SLC35D1: variants seen among roughly 807,000 people sequenced by gnomAD.
The protein encoded by SLC35D1 is nucleotide sugar transporter SLC35D1.
SLC35D1 carries 31 observed loss-of-function variants against 46.7 expected under a neutral mutation model. That is an observed-to-expected ratio of 0.66 (90% CI 0.50 to 0.90). SLC35D1 has a LOEUF of 0.90. SLC35D1 is among the 40% of genes least tolerant of loss of function. The pLI is 0.00. For missense variants in SLC35D1, 397 were observed against 426.2 expected, an observed-to-expected ratio of 0.93 and a Z score of 0.60; for synonymous variants, 195 against 164.6, an observed-to-expected ratio of 1.18 and a Z score of -1.41.
At chr1:66,991,405 G>C in the SLC35D1 span, among the ~76,000 whole-genome samples, 1 of 152,212 alleles carries the variant, frequency 6.6e-6, no homozygotes, top group Non-Finnish European at 1.5e-5. Context: ...GGGTTCCACA[G>C]AGAGTCACAG....
At chr1:67,031,635 T>C (rs758873329) in intron 8 of SLC35D1, among the ~76,000 whole-genome samples, 8 of 152,134 alleles carry the variant, frequency 5.3e-5, no homozygotes, top group Non-Finnish European at 7.3e-5. Flanking sequence ...GTGAGTCAAA[T>C]AGCAGGAGTT....
chr1:67,017,915 TC>T (rs1044865910), intron 10 of SLC35D1, among the ~76,000 whole-genome samples: 3 of 152,190 alleles, frequency 2.0e-5, no homozygotes, highest in African/African-American at 7.2e-5. Flanking sequence ...TTTGTCTATC[TC>T]TGATGACCTC....
At position 67,009,114 on chromosome 1, in the gene SLC35D1, C is replaced by T. The variant is rs1314283727; in HGVS notation, c.930G>A (p.Thr310=). The T allele has an allele frequency of 1.7e-5, 25 of 1,513,488 alleles. No individual in the cohort carries two copies. Among genetic ancestry groups the T allele is most frequent in the South Asian group, 3.4e-5 (3 of 87,706 alleles). 93.8% of individuals were successfully genotyped at this position (1,513,488 alleles called of 1,614,324 possible). A position where few individuals can be genotyped will look rare whatever the true frequency, so the allele number is the denominator to read the frequency against. ...GMVFGGDYIF[T]WTNFIGLNIS... ...TATTTAAACCAATGAAGTTTGTCCA[C>T]GTGAAAATATAATCTCCACCAAAGA... Residue 310 remains threonine (T), a synonymous_variant, in exon 11 of 12, where the codon ACG becomes ACA. Coordinates refer to ENST00000235345, the MANE Select transcript of SLC35D1 (RefSeq NM_015139.3).
intron 8 of SLC35D1, among the ~76,000 whole-genome samples, chr1:67,040,273 G>A (rs565545001): frequency 2.3e-4 from 35 of 152,262 alleles, no homozygotes; most frequent in African/African-American, 5.1e-4. Context: ...GATTATAGGC[G>A]GGAGCCACTG....
chr1:67,038,854 A>ACACACACACACAC (rs1558162811), intron 8 of SLC35D1, among the ~76,000 whole-genome samples: 1 of 128,034 alleles, frequency 7.8e-6, no homozygotes, highest in African/African-American at 3.6e-5. Context: ...CACACACACA[A>ACACACACACACAC]ACACACACAC....
Position 67,001,605 on chromosome 1 carries a change from G to A in SLC35D1, c.*2735C>T, listed in dbSNP as rs1237644190. On this transcript the variant is annotated 3_prime_UTR_variant, in exon 12 of 12. Transcript: ENST00000235345. ...CTCTGTATTGCCTCTTTTTCTCCCA[G>A]GAGGCAGTTAACAGGACAAAGAATT... 6.6e-6 allele frequency: 1 copy of A among 152,340 alleles called. No homozygotes were observed. The highest frequency in any genetic ancestry group is 1.5e-5 in the Non-Finnish European group (1 of 68,042). The allele number at this position is 152,340 out of a possible 1,614,324, so 9.4% of individuals were successfully genotyped here. A position where few individuals can be genotyped will look rare whatever the true frequency, so the allele number is the denominator to read the frequency against.
At chr1:66,974,793 A>G in the SLC35D1 span, among the ~76,000 whole-genome samples, 2 of 152,184 alleles carry the variant, frequency 1.3e-5, no homozygotes, top group South Asian at 4.1e-4. Context: ...TACTCTAGTG[A>G]GAATATCGAG....
the SLC35D1 span, chr1:66,986,733 G>A: frequency 5.8e-6 from 2 of 342,866 alleles, no homozygotes; most frequent in Admixed American, 9.3e-5. Context: ...GGGTGGAAGT[G>A]TTGAGAAGTA....
chr1:67,037,253 A>G lies in SLC35D1; in HGVS notation c.729+4983T>C, dbSNP rs576608847. Among the ~76,000 whole-genome samples, 3 of 152,290 alleles carry G rather than the reference A, an allele frequency of 2.0e-5. No homozygotes were observed. The East Asian group carries it at 5.8e-4, about 29-fold the overall frequency. On this transcript the variant is annotated intron_variant, in intron 8 of 11. Coordinates refer to ENST00000235345, the MANE Select transcript of SLC35D1 (RefSeq NM_015139.3). ...TACCACAGTCACAGTGTATAAGTAG[A>G]TATTTTGTTGAAAACTTTTAGTTAA...
At chr1:67,033,671 T>C (rs1668067523) in intron 8 of SLC35D1, among the ~76,000 whole-genome samples, 1 of 152,244 alleles carries the variant, frequency 6.6e-6, no homozygotes, top group Admixed American at 6.5e-5. Context: ...TTCTTCACTG[T>C]GCAGAAGCTT....
chr1:66,997,453 T>C (rs950211097), downstream of SLC35D1, among the ~76,000 whole-genome samples: 7 of 145,016 alleles, frequency 4.8e-5, no homozygotes, highest in Non-Finnish European at 7.5e-5. Flanking sequence ...CAGTGAGCTG[T>C]GATCATGCCA....
rs773481933 is a variant in SLC35D1, at chr1:67,053,774, TCC to T, written c.203+35_203+36del. 1.2e-3 allele frequency: 1,855 copies of T among 1,498,464 alleles called. 20 individuals carry two copies. In the African/African-American group the frequency reaches 0.023, roughly 19 times the overall value. 92.8% of individuals were successfully genotyped at this position (1,498,464 alleles called of 1,614,324 possible). The stretch of plus-strand genomic sequence containing the variant: ...CCGCGCCGCCGCCGCCGCCCGCTCC[TCC>T]TCCGCGGCCTGGGCCGCCGCCGCCT... On this transcript the variant is annotated intron_variant, in intron 1 of 11. Transcript: ENST00000235345.
At chr1:67,012,908 T>C (rs1570610915) in intron 10 of SLC35D1, among the ~76,000 whole-genome samples, 1 of 152,004 alleles carries the variant, frequency 6.6e-6, no homozygotes, top group African/African-American at 2.4e-5. Context: ...TTCACCTCTT[T>C]AGAGATGCCA....
chr1:66,983,018 C>A, the SLC35D1 span, among the ~76,000 whole-genome samples: 1 of 152,172 alleles, frequency 6.6e-6, no homozygotes, highest in African/African-American at 2.4e-5. Context: ...CATATTAACA[C>A]CAAATCATTT....
intron 10 of SLC35D1, among the ~76,000 whole-genome samples, chr1:67,017,033 A>G (rs999286050): frequency 6.6e-6 from 1 of 152,158 alleles, no homozygotes; most frequent in African/African-American, 2.4e-5. Flanking sequence ...CAGGTATTAG[A>G]GTCTGGTGGC....
Position 67,047,393 on chromosome 1 carries a change from GAAC to G in SLC35D1, c.534-29_534-27del, listed in dbSNP as rs544523970. 1.6e-4 allele frequency: 252 copies of G among 1,569,892 alleles called. No homozygotes were observed. The African/African-American group carries it at 3.2e-3, about 20-fold the overall frequency. ...CTGCAAAACATAAGCAACACTTTAA[GAAC>G]AACTTAAAGAACATGCATTTAATTT... On this transcript the variant is annotated intron_variant, in intron 6 of 11. Coordinates refer to ENST00000235345, the MANE Select transcript of SLC35D1 (RefSeq NM_015139.3).
At chr1:67,020,578 T>C (rs1667776258) in intron 9 of SLC35D1, 131 bp from the exon 10 acceptor site, 12 of 701,920 alleles carry the variant, frequency 1.7e-5, no homozygotes, top group South Asian at 1.3e-4. Flanking sequence ...CCCACCTCAC[T>C]GCTTCTTATA....
the SLC35D1 span, among the ~76,000 whole-genome samples, chr1:66,984,317 CTTAT>C: frequency 6.6e-5 from 10 of 152,122 alleles, no homozygotes; most frequent in African/African-American, 2.4e-4. Flanking sequence ...CATTTATTAA[CTTAT>C]TTAATTTTCA....
the SLC35D1 span, chr1:66,981,846 C>A: frequency 1.2e-6 from 2 of 1,614,008 alleles, no homozygotes; most frequent in Admixed American, 3.3e-5. Context: ...ATCCCCTCCC[C>A]CAACTGCATC....
Sources: gnomAD v4.1 joint callset for allele counts (sites outside exome capture counted in the v4.1 genomes callset) on GRCh38, gnomAD v4.1.1 for gene constraint, MANE v1.5 for transcripts, NCBI Gene and HGNC (gene_info 2026-07-23, HGNC 2026-07-21) for gene names.